BCKDHB: variants seen among roughly 807,000 people sequenced by gnomAD.
The protein encoded by BCKDHB is branched chain keto acid dehydrogenase E1 subunit beta.
In BCKDHB, 41 loss-of-function variants were observed where a neutral mutation model predicts 48.5. The ratio of observed to expected loss-of-function variants is 0.85; its 90% CI spans 0.66 to 1.10. The LOEUF is 1.10. Among genes scored for constraint, BCKDHB ranks in the 50% least tolerant of loss-of-function variants. The pLI is 0.00. For synonymous variants in BCKDHB, 201 were observed against 174.8 expected (o/e 1.15, Z -1.18); for missense variants, 496 against 494.2 (o/e 1.00, Z -0.03).
chr6:80,218,875 C>T (rs1365050574), intron 8 of BCKDHB, among the ~76,000 whole-genome samples: 1 of 152,134 alleles, frequency 6.6e-6, no homozygotes, highest in Admixed American at 6.6e-5. Flanking sequence ...AAAAGCAGTA[C>T]ACACTGTTAA....
chr6:80,253,705 C>T (rs867659506), intron 8 of BCKDHB, among the ~76,000 whole-genome samples: 1 of 152,086 alleles, frequency 6.6e-6, no homozygotes, highest in Non-Finnish European at 1.5e-5. Context: ...ATAGTAGTCA[C>T]AGGAGATCTT....
At chr6:80,190,188 C>T (rs530410499) in intron 6 of BCKDHB, among the ~76,000 whole-genome samples, 17 of 152,178 alleles carry the variant, frequency 1.1e-4, no homozygotes, top group Admixed American at 3.3e-4. Context: ...TAGGGAATGG[C>T]TGGGAGTCTG....
At chr6:80,252,158 A>G (rs558029021) in intron 8 of BCKDHB, among the ~76,000 whole-genome samples, 2 of 152,334 alleles carry the variant, frequency 1.3e-5, no homozygotes, top group Admixed American at 1.3e-4. Context: ...CCATGTTCAC[A>G]CAACTAGTGA....
chr6:80,205,207 A>G (rs1774586377), intron 8 of BCKDHB, among the ~76,000 whole-genome samples: 1 of 152,032 alleles, frequency 6.6e-6, no homozygotes, highest in African/African-American at 2.4e-5. Flanking sequence ...GGGCCCTATA[A>G]CCAAATATTT....
chr6:80,396,985 T>A, the BCKDHB span, among the ~76,000 whole-genome samples: 1 of 152,194 alleles, frequency 6.6e-6, no homozygotes, highest in African/African-American at 2.4e-5. Context: ...GTCTCACAGT[T>A]GTGTATGTTG....
At chr6:80,155,622 A>G (rs1038370832) in intron 3 of BCKDHB, among the ~76,000 whole-genome samples, 1 of 152,074 alleles carries the variant, frequency 6.6e-6, no homozygotes, top group Non-Finnish European at 1.5e-5. Context: ...GTTTTTACAG[A>G]TCATTGAATT....
At chr6:80,429,553 C>T in the BCKDHB span, among the ~76,000 whole-genome samples, 1 of 152,178 alleles carries the variant, frequency 6.6e-6, no homozygotes, top group Non-Finnish European at 1.5e-5. Flanking sequence ...TTTCCTTAAG[C>T]AGTGGTTTGT....
the BCKDHB span, among the ~76,000 whole-genome samples, chr6:80,352,151 GTT>G: frequency 6.8e-6 from 1 of 147,296 alleles, no homozygotes. Flanking sequence ...TGTTGTTGTT[GTT>G]TTTTTTTTGG....
At chr6:80,121,460 G>C (rs1162862099) in intron 1 of BCKDHB, among the ~76,000 whole-genome samples, 1 of 152,078 alleles carries the variant, frequency 6.6e-6, no homozygotes, top group Non-Finnish European at 1.5e-5. Context: ...GGACAGTATG[G>C]CCATTTTCAC....
intron 8 of BCKDHB, among the ~76,000 whole-genome samples, chr6:80,240,361 C>A (rs1309850383): frequency 2.0e-5 from 3 of 152,092 alleles, no homozygotes; most frequent in Admixed American, 6.5e-5. Flanking sequence ...GAGTTCTCCT[C>A]TTCAAGGAGA....
chr6:80,421,109 G>A, the BCKDHB span, among the ~76,000 whole-genome samples: 2 of 152,110 alleles, frequency 1.3e-5, no homozygotes, highest in Non-Finnish European at 2.9e-5. Flanking sequence ...GGAGGGACCT[G>A]GTGGGAGGTG....
At chr6:80,264,661 T>G (rs1484868755) in intron 8 of BCKDHB, among the ~76,000 whole-genome samples, 2 of 152,108 alleles carry the variant, frequency 1.3e-5, no homozygotes, top group African/African-American at 4.8e-5. Flanking sequence ...TTTTTCCCTG[T>G]GTCTCTTTCA....
At chr6:80,136,772 T>TA (rs950872037) in intron 3 of BCKDHB, among the ~76,000 whole-genome samples, 2 of 151,824 alleles carry the variant, frequency 1.3e-5, no homozygotes, top group Non-Finnish European at 2.9e-5. Flanking sequence ...CCCAATCAAT[T>TA]AAAAAAATAA....
At chr6:80,411,069 C>T in the BCKDHB span, among the ~76,000 whole-genome samples, 1 of 152,214 alleles carries the variant, frequency 6.6e-6, no homozygotes, top group East Asian at 1.9e-4. Context: ...TGGTTTCTTC[C>T]CATCTTTGTG....
chr6:80,195,487 T>A (rs1774089867), intron 6 of BCKDHB, among the ~76,000 whole-genome samples: 1 of 152,188 alleles, frequency 6.6e-6, no homozygotes, highest in Non-Finnish European at 1.5e-5. Context: ...AAAATGACAG[T>A]TGTAATATAG....
the BCKDHB span, among the ~76,000 whole-genome samples, chr6:80,367,942 T>C: frequency 1.3e-5 from 2 of 152,248 alleles, no homozygotes; most frequent in African/African-American, 4.8e-5. Flanking sequence ...TAAAAAATTA[T>C]AAGACTGTGG....
At chr6:80,457,781 G>T in the BCKDHB span, among the ~76,000 whole-genome samples, 1 of 152,156 alleles carries the variant, frequency 6.6e-6, no homozygotes, top group Admixed American at 6.5e-5. Flanking sequence ...GCTTCCTAGT[G>T]TATAGAAACC....
chr6:80,126,040 A>G (rs888542621), intron 1 of BCKDHB, among the ~76,000 whole-genome samples: 7 of 152,190 alleles, frequency 4.6e-5, no homozygotes, highest in African/African-American at 1.7e-4. Flanking sequence ...CCTGAAGAAA[A>G]ATAAATTTTT....
At chr6:80,141,434 G>A (rs1771208061) in intron 3 of BCKDHB, among the ~76,000 whole-genome samples, 1 of 152,084 alleles carries the variant, frequency 6.6e-6, no homozygotes, top group African/African-American at 2.4e-5. Flanking sequence ...GCATTAGGTT[G>A]TTCTGGGGTT....
Sources: allele counts gnomAD v4.1 joint callset (sites outside exome capture counted in the v4.1 genomes callset), GRCh38; gene constraint gnomAD v4.1.1; transcripts MANE v1.5; gene names NCBI Gene and HGNC (gene_info 2026-07-23, HGNC 2026-07-21).